Variants in ETV6 observed in about 807,000 individuals in gnomAD.
ETV6 encodes transcription factor ETV6.
ETV6 carries 16 observed loss-of-function variants against 51.1 expected under a neutral mutation model. The observed-to-expected ratio is 0.31, with a 90% CI of 0.21 to 0.48. The LOEUF is 0.48. ETV6 is among the 20% of genes least tolerant of loss of function. The probability of loss-of-function intolerance (pLI) is 0.99; values close to 1 mark genes in which losing one functional copy is unlikely to be tolerated. For synonymous variants in ETV6, 240 were observed against 224.1 expected (o/e 1.07, Z -0.64); for missense variants, 458 against 594.8 (o/e 0.77, Z 2.39).
chr12:11,817,983 A>G (rs1946017839), intron 2 of ETV6, among the ~76,000 whole-genome samples: 1 of 152,170 alleles, frequency 6.6e-6, no homozygotes, highest in Non-Finnish European at 1.5e-5. Context: ...TTCCACATGC[A>G]AGGAGGGAGG....
chr12:11,857,346 A>C (rs1279073397), intron 4 of ETV6, among the ~76,000 whole-genome samples: 1 of 152,176 alleles, frequency 6.6e-6, no homozygotes, highest in Non-Finnish European at 1.5e-5. Flanking sequence ...CCATGCCCTG[A>C]CAGTAGACGA....
chr12:11,779,069 C>T (rs1404805606), intron 2 of ETV6, among the ~76,000 whole-genome samples: 1 of 152,164 alleles, frequency 6.6e-6, no homozygotes, highest in Non-Finnish European at 1.5e-5. Context: ...AGATTAAATG[C>T]TTTGCTCTAT....
chr12:11,681,805 T>G (rs1327627535), intron 1 of ETV6, among the ~76,000 whole-genome samples: 2 of 152,164 alleles, frequency 1.3e-5, no homozygotes, highest in Non-Finnish European at 2.9e-5. Flanking sequence ...CATTTATGAG[T>G]GAGAACATGC....
At chr12:11,777,009 C>T (rs1436205202) in intron 2 of ETV6, among the ~76,000 whole-genome samples, 3 of 152,244 alleles carry the variant, frequency 2.0e-5, no homozygotes, top group East Asian at 1.9e-4. Flanking sequence ...GAGGCCAAGG[C>T]GGGTGGATCA....
chr12:11,676,261 A>G (rs1864419712), intron 1 of ETV6, among the ~76,000 whole-genome samples: 1 of 152,200 alleles, frequency 6.6e-6, no homozygotes, highest in African/African-American at 2.4e-5. Flanking sequence ...TAGGAGTTAT[A>G]GTGACACAGC....
chr12:11,748,827 G>A (rs943149349), intron 1 of ETV6, among the ~76,000 whole-genome samples: 3 of 152,236 alleles, frequency 2.0e-5, no homozygotes, highest in Admixed American at 6.5e-5. Context: ...GAGAGGGAAC[G>A]CAGCTCATTT....
intron 2 of ETV6, 140 bp downstream of exon 2, chr12:11,752,719 A>AC (rs72552338): frequency 2.9e-6 from 3 of 1,035,350 alleles, no homozygotes; most frequent in African/African-American, 1.6e-5. Flanking sequence ...AATCTTTCAC[A>AC]CCCCCCTACC....
chr12:11,869,574 T>C lies in ETV6; in HGVS notation c.614T>C (p.Leu205Pro), dbSNP rs1205904835. ...GAGCAGCGGCCCCTCCGGTCCCCCC[T>C]GGACAACATGATCCGCCGCCTCTCC... is the stretch of plus-strand genomic sequence containing the variant. Reference protein sequence around the residue: ...DPEQRPLRSPLDNMIRRLSPA... With the variant: ...DPEQRPLRSPPDNMIRRLSPA... Residue 205 changes from leucine (L) to proline (P), a missense_variant, in exon 5 of 8, where the codon CTG (leucine) becomes CCG (proline). By Grantham distance (98) the Leu-to-Pro change is moderately conservative (BLOSUM62 -3). This residue lies in a region of ETV6 where 293 missense variants were observed against 315.7 expected (regional missense o/e 0.93). Coordinates refer to ENST00000396373, the MANE Select transcript of ETV6 (RefSeq NM_001987.5). The surrounding 1 kb of genome is among the most constrained non-coding windows in gnomAD (Gnocchi z 5.0). 2 of 1,614,002 alleles carry C rather than the reference T, an allele frequency of 1.2e-6. No homozygotes were observed. Among genetic ancestry groups the C allele is most frequent in the East Asian group, 2.2e-5 (1 of 44,874 alleles).
intron 2 of ETV6, among the ~76,000 whole-genome samples, chr12:11,792,070 G>A (rs1052333007): frequency 3.3e-5 from 5 of 152,208 alleles, no homozygotes; most frequent in Admixed American, 3.3e-4. Context: ...AGCAAAGCCT[G>A]TATCCACAGC....
At chr12:11,823,424 G>A (rs558420748) in intron 2 of ETV6, among the ~76,000 whole-genome samples, 2 of 151,312 alleles carry the variant, frequency 1.3e-5, no homozygotes, top group African/African-American at 2.4e-5. Flanking sequence ...GTAAAAGGCT[G>A]TGTCTTTACT....
intron 1 of ETV6, among the ~76,000 whole-genome samples, chr12:11,712,155 A>G (rs978918891): frequency 6.6e-6 from 1 of 152,202 alleles, no homozygotes; most frequent in African/African-American, 2.4e-5. Flanking sequence ...ACTTTTTAGC[A>G]ATCTCAGAGA....
chr12:11,674,780 C>T (rs993626916), intron 1 of ETV6, among the ~76,000 whole-genome samples: 3 of 151,894 alleles, frequency 2.0e-5, no homozygotes, highest in Non-Finnish European at 2.9e-5. Flanking sequence ...TGAGAAGGGG[C>T]AGGGAGAGAC....
At chr12:11,870,106 C>CT (rs1946858814) in intron 5 of ETV6, 137 bp downstream of exon 5, 1 of 994,222 alleles carries the variant, frequency 1.0e-6, no homozygotes, top group African/African-American at 1.6e-5. Flanking sequence ...CAATTGGAGG[C>CT]TTCTGCTTGG....
chr12:11,815,991 G>C (rs1487397121), intron 2 of ETV6, among the ~76,000 whole-genome samples: 2 of 152,306 alleles, frequency 1.3e-5, no homozygotes, highest in African/African-American at 4.8e-5. Context: ...TGCTGAAAGT[G>C]ACCCGTAAGG....
chr12:11,758,096 A>G (rs376667047), intron 2 of ETV6, among the ~76,000 whole-genome samples: 1 of 152,162 alleles, frequency 6.6e-6, no homozygotes, highest in African/African-American at 2.4e-5. Context: ...GCAGGGTCTC[A>G]CTGCTTTTGG....
intron 1 of ETV6, among the ~76,000 whole-genome samples, chr12:11,669,558 A>G (rs1299015069): frequency 6.6e-6 from 1 of 150,788 alleles, no homozygotes; most frequent in Non-Finnish European, 1.5e-5. Context: ...CTGCCTTTAC[A>G]TCTCTATCTC....
At chr12:11,752,258 C>G (rs1866044711) in intron 1 of ETV6, among the ~76,000 whole-genome samples, 192 bp from the exon 2 acceptor site, 1 of 152,118 alleles carries the variant, frequency 6.6e-6, no homozygotes, top group Non-Finnish European at 1.5e-5. Context: ...TTATATAGCC[C>G]CAAGGCTAGG....
At chr12:11,821,044 C>G (rs1946072505) in intron 2 of ETV6, among the ~76,000 whole-genome samples, 1 of 152,056 alleles carries the variant, frequency 6.6e-6, no homozygotes, top group Non-Finnish European at 1.5e-5. Context: ...TAACACTTAC[C>G]AATGGACCAG....
chr12:11,829,262 A>G (rs1275456522), intron 2 of ETV6, among the ~76,000 whole-genome samples: 1 of 152,170 alleles, frequency 6.6e-6, no homozygotes, highest in African/African-American at 2.4e-5. Flanking sequence ...TCCTTGTCCT[A>G]CCCAACCCCC....
Sources: gnomAD v4.1 joint callset for allele counts (sites outside exome capture counted in the v4.1 genomes callset) on GRCh38, gnomAD v4.1.1 for gene constraint, gnomAD v4.1.1 regional missense constraint, Gnocchi (gnomAD v3.1) non-coding constraint, MANE v1.5 for transcripts, NCBI Gene and HGNC (gene_info 2026-07-23, HGNC 2026-07-21) for gene names.